NREP: variants seen among roughly 807,000 people sequenced by gnomAD.
NREP encodes neuronal regeneration related protein, also known as neuronal regeneration-related protein.
In NREP, 5 loss-of-function variants were observed where a neutral mutation model predicts 8.6. That is an observed-to-expected ratio of 0.58 (90% CI 0.30 to 1.22). The LOEUF is 1.22. Among genes scored for constraint, NREP ranks in the 50% most tolerant of loss-of-function variants. NREP has a pLI of 0.07. For missense variants in NREP, 86 were observed against 82.5 expected (o/e 1.04, Z -0.17); for synonymous variants, 27 against 28.0 (o/e 0.96, Z 0.11).
At chr5:111,796,573 C>G (rs551369081) in intron 2 of NREP, among the ~76,000 whole-genome samples, 7 of 152,224 alleles carry the variant, frequency 4.6e-5, no homozygotes, top group African/African-American at 1.4e-4. Flanking sequence ...TATTATGAGA[C>G]AGAGATTACA....
intron 2 of NREP, among the ~76,000 whole-genome samples, chr5:111,800,718 G>A (rs905722882): frequency 1.3e-5 from 2 of 152,140 alleles, no homozygotes; most frequent in Non-Finnish European, 2.9e-5. Flanking sequence ...AGGTAGAAGA[G>A]GAAAACAAGT....
chr5:111,840,025 C>T (rs1201334002), intron 2 of NREP, among the ~76,000 whole-genome samples: 1 of 151,974 alleles, frequency 6.6e-6, no homozygotes, highest in African/African-American at 2.4e-5. Flanking sequence ...TGCTTTTCCT[C>T]AATTTAGTAT....
chr5:111,838,714 T>C (rs1752954596), intron 2 of NREP, among the ~76,000 whole-genome samples: 1 of 151,814 alleles, frequency 6.6e-6, no homozygotes, highest in Non-Finnish European at 1.5e-5. Context: ...GATATATATA[T>C]ATGTGTGTGT....
intron 2 of NREP, among the ~76,000 whole-genome samples, chr5:111,799,340 T>A (rs549340783): frequency 6.6e-6 from 1 of 152,190 alleles, no homozygotes; most frequent in Non-Finnish European, 1.5e-5. Flanking sequence ...TGCATTGAAT[T>A]TGTAGACTGC....
At chr5:111,919,302 G>A (rs1184489024) in intron 2 of NREP, among the ~76,000 whole-genome samples, 1 of 152,090 alleles carries the variant, frequency 6.6e-6, no homozygotes, top group Non-Finnish European at 1.5e-5. Context: ...AACCATTGTG[G>A]AAGACAGCAT....
chr5:111,826,923 T>G (rs1216756885), intron 2 of NREP, among the ~76,000 whole-genome samples: 1 of 152,204 alleles, frequency 6.6e-6, no homozygotes, highest in Non-Finnish European at 1.5e-5. Flanking sequence ...AGCCCACATG[T>G]AATGTACATT....
intron 2 of NREP, among the ~76,000 whole-genome samples, chr5:111,843,163 G>C (rs1477992949): frequency 1.3e-5 from 2 of 151,814 alleles, no homozygotes; most frequent in Non-Finnish European, 2.9e-5. Context: ...CTCCTTTTAG[G>C]ACTTTCATAA....
At chr5:111,962,514 A>T (rs1756508042) in intron 2 of NREP, among the ~76,000 whole-genome samples, 2 of 152,308 alleles carry the variant, frequency 1.3e-5, no homozygotes, top group South Asian at 4.1e-4. Flanking sequence ...AATGATGGTG[A>T]TAGATGTAGG....
intron 2 of NREP, among the ~76,000 whole-genome samples, chr5:111,863,150 G>T (rs34698740): frequency 0.51 from 76,734 of 151,594 alleles, 21,935 homozygotes; most frequent in Non-Finnish European, 0.66. Context: ...AAAAATGGTG[G>T]TGGTTAGGCA....
rs146638427 is a variant in NREP at position 111,878,872 on chromosome 5, A to G, written c.135+96402T>C. On this transcript the variant is annotated intron_variant, in intron 2 of 3. Transcript: ENST00000395634. Reference sequence around the variant, plus strand: ...GCACTCCATTCATGTATTTTATGTTATTTAGCCTAAGTTGTAATTACTCAT... The same window carrying G: ...GCACTCCATTCATGTATTTTATGTTGTTTAGCCTAAGTTGTAATTACTCAT... 1.1e-3 allele frequency among the ~76,000 whole-genome samples: 171 copies of G among 152,200 alleles called. 6 individuals carry two copies. In the East Asian group the frequency reaches 0.031, roughly 28 times the overall value.
intron 2 of NREP, among the ~76,000 whole-genome samples, chr5:111,967,163 C>A (rs973952996): frequency 6.6e-6 from 1 of 152,154 alleles, no homozygotes; most frequent in Admixed American, 6.5e-5. Context: ...CCCAATACTC[C>A]AACAGTGCTA....
rs1382568914 is a variant in NREP at position 111,912,208 on chromosome 5, A to AC, written c.135+63065dup. Among the ~76,000 whole-genome samples the AC allele has an allele frequency of 5.9e-4, 89 of 151,994 alleles. 1 individual carries two copies. Among genetic ancestry groups the AC allele is most frequent in the Admixed American group, 5.8e-3 (88 of 15,254 alleles). On this transcript the variant is annotated intron_variant, in intron 2 of 3. Transcript: ENST00000395634. ...TAACATTCTCCAGTATTTTCCTTGC[A>AC]CCCTTTTTTCATCATGCTCTTCTCC...
intron 2 of NREP, among the ~76,000 whole-genome samples, chr5:111,789,757 T>C (rs1020244587): frequency 2.0e-5 from 3 of 152,222 alleles, no homozygotes; most frequent in African/African-American, 7.2e-5. Context: ...CTCTTTGTCA[T>C]TAATCTTTTG....
chr5:111,801,069 G>A (rs150019895), intron 2 of NREP, among the ~76,000 whole-genome samples: 1 of 152,368 alleles, frequency 6.6e-6, no homozygotes, highest in East Asian at 1.9e-4. Flanking sequence ...CACTACCACA[G>A]AAACTGGGAG....
At chr5:111,967,894 G>C (rs964485546) in intron 2 of NREP, among the ~76,000 whole-genome samples, 1 of 152,176 alleles carries the variant, frequency 6.6e-6, no homozygotes, top group East Asian at 1.9e-4. Flanking sequence ...TTCATGAAAA[G>C]TAAAAAAGTT....
chr5:111,926,914 G>A (rs1200836193), intron 2 of NREP, among the ~76,000 whole-genome samples: 1 of 151,338 alleles, frequency 6.6e-6, no homozygotes, highest in Non-Finnish European at 1.5e-5. Flanking sequence ...CATGGACCCG[G>A]AGGAGTGGGT....
chr5:111,965,243 G>A (rs367812567), intron 2 of NREP, among the ~76,000 whole-genome samples: 2 of 152,080 alleles, frequency 1.3e-5, no homozygotes, highest in South Asian at 2.1e-4. Flanking sequence ...CTCCCACCTC[G>A]TAGGCAAGAA....
chr5:111,798,490 G>C (rs556487029), intron 2 of NREP, among the ~76,000 whole-genome samples: 3 of 152,174 alleles, frequency 2.0e-5, no homozygotes, highest in South Asian at 2.1e-4. Context: ...ACTGTATCCA[G>C]TGCGTAGTCT....
intron 2 of NREP, among the ~76,000 whole-genome samples, chr5:111,831,790 G>A (rs1752774605): frequency 6.6e-6 from 1 of 152,142 alleles, no homozygotes; most frequent in African/African-American, 2.4e-5. Flanking sequence ...TTCTGTTAAT[G>A]GCAGCCTCAG....
Sources: gnomAD v4.1 joint callset for allele counts (sites outside exome capture counted in the v4.1 genomes callset) on GRCh38, gnomAD v4.1.1 for gene constraint, MANE v1.5 for transcripts, NCBI Gene and HGNC (gene_info 2026-07-23, HGNC 2026-07-21) for gene names.